Variants in ZNF713 observed in about 807,000 individuals in gnomAD.
The protein encoded by ZNF713 is zinc finger protein 713.
Under a neutral mutation model 28.7 loss-of-function variants are expected in ZNF713, and 21 were observed. The observed-to-expected ratio is 0.73, with a 90% confidence interval of 0.52 to 1.05. ZNF713 has a LOEUF of 1.05. ZNF713 is among the 50% of genes least tolerant of loss of function. ZNF713 has a pLI of 0.00. For missense variants in ZNF713, 458 were observed against 532.4 expected (o/e 0.86, Z 1.37); for synonymous variants, 167 against 178.0 (o/e 0.94, Z 0.49).
Position 55,939,385 on chromosome 7 carries a change from T to C in ZNF713, c.711T>C (p.Tyr237=). 2 of 1,613,912 alleles carry C rather than the reference T, an allele frequency of 1.2e-6. No homozygotes were observed. The highest frequency in any genetic ancestry group is 1.7e-6 in the Non-Finnish European group (2 of 1,180,018). ...GNYVRETPYE[Y]SECGKIFNQH... ...ATGTAAGAGAGACTCCCTATGAATA[T>C]AGTGAGTGTGGAAAAATCTTCAATC... is the stretch of plus-strand genomic sequence containing the variant. Residue 237 remains tyrosine, a synonymous_variant, in exon 7 of 7, where the codon TAT becomes TAC. Coordinates refer to ENST00000429591, the MANE Select transcript of ZNF713 (RefSeq NM_182633.3).
intron 2 of ZNF713, among the ~76,000 whole-genome samples, chr7:55,907,151 T>C (rs1468204438): frequency 6.6e-6 from 1 of 152,180 alleles, no homozygotes; most frequent in Admixed American, 6.5e-5. Flanking sequence ...GCTTCCTATG[T>C]TGGCATTTTT....
At chr7:55,915,611 A>AT (rs1185178043) in intron 4 of ZNF713, among the ~76,000 whole-genome samples, 1 of 152,248 alleles carries the variant, frequency 6.6e-6, no homozygotes, top group Non-Finnish European at 1.5e-5. Context: ...AGAACCTACG[A>AT]AAAGTAAGTG....
At chr7:55,919,496 T>G (rs1176756491) in intron 4 of ZNF713, among the ~76,000 whole-genome samples, 16 of 31,528 alleles carry the variant, frequency 5.1e-4, no homozygotes, top group African/African-American at 1.0e-3. Flanking sequence ...TCCAGTTTTT[T>G]TTTTTTTTTT....
chr7:55,934,734 G>A (rs1786309983), intron 6 of ZNF713, among the ~76,000 whole-genome samples: 1 of 151,978 alleles, frequency 6.6e-6, no homozygotes, highest in Non-Finnish European at 1.5e-5. Flanking sequence ...TGAACTCCTG[G>A]GCTCAAGCAG....
At chr7:55,934,218 A>G (rs1562749176) in intron 6 of ZNF713, among the ~76,000 whole-genome samples, 1 of 152,146 alleles carries the variant, frequency 6.6e-6, no homozygotes, top group Non-Finnish European at 1.5e-5. Flanking sequence ...TTGAAAATCT[A>G]ATGAAAGTTA....
At position 55,939,972 on chromosome 7, in the gene ZNF713, CTG is replaced by C. The variant is rs1786432226; in HGVS notation, c.1300_1301del (p.Val434SerfsTer7). On this transcript the variant is annotated frameshift_variant, in exon 7 of 7. Coordinates refer to ENST00000429591, the MANE Select transcript of ZNF713 (RefSeq NM_182633.3). LOFTEE classifies it low-confidence loss of function (END_TRUNC). ...TTATGTGAATATAAATGTGAGCAAACTGTTCGCCACAGTCCTTCATTTAGCAG... is the reference window on the plus strand; with the variant it reads ...TTATGTGAATATAAATGTGAGCAAACTTCGCCACAGTCCTTCATTTAGCAG... 6.2e-7 allele frequency: 1 copy of C among 1,602,150 alleles called. No homozygotes were observed. The highest frequency in any genetic ancestry group is 8.5e-7 in the Non-Finnish European group (1 of 1,172,302).
At chr7:55,912,949 CT>C (rs1193625691) in intron 4 of ZNF713, among the ~76,000 whole-genome samples, 1 of 152,190 alleles carries the variant, frequency 6.6e-6, no homozygotes, top group African/African-American at 2.4e-5. Flanking sequence ...GGATTCCTGC[CT>C]GTTCTGGACG....
At chr7:55,888,659 C>T (rs982805884) in intron 1 of ZNF713, among the ~76,000 whole-genome samples, 6 of 152,126 alleles carry the variant, frequency 3.9e-5, no homozygotes, top group Non-Finnish European at 5.9e-5. Context: ...GGATTACAGG[C>T]ATGAGCCACG....
At chr7:55,896,339 A>T (rs1001032292) in intron 1 of ZNF713, among the ~76,000 whole-genome samples, 1 of 152,176 alleles carries the variant, frequency 6.6e-6, no homozygotes, top group Non-Finnish European at 1.5e-5. Context: ...AGATGAAAAG[A>T]ATTCCACATA....
At chr7:55,888,719 C>A (rs1025210616) in intron 1 of ZNF713, among the ~76,000 whole-genome samples, 2 of 113,492 alleles carry the variant, frequency 1.8e-5, no homozygotes, top group Admixed American at 9.0e-5. Flanking sequence ...ACAGTTTCTG[C>A]ACTGAATACA....
intron 6 of ZNF713, among the ~76,000 whole-genome samples, chr7:55,926,728 G>A (rs1459927117): frequency 6.6e-6 from 1 of 152,226 alleles, no homozygotes; most frequent in Admixed American, 6.5e-5. Context: ...TGAGAGAAGT[G>A]ACAGGGGGAT....
In ZNF713 at chr7:55,923,990, C is replaced by T. The variant is rs918181070; in HGVS notation, c.307+291C>T. On this transcript the variant is annotated intron_variant, in intron 6 of 6. Transcript: ENST00000429591. ...TATCTTGATATTACAGATATCCACA[C>T]AGCACTTTCTTTGTATTTTTTATTT... The T allele has an allele frequency of 1.8e-4, 34 of 189,948 alleles. No homozygotes were observed. In the East Asian group the frequency reaches 4.1e-3, roughly 23 times the overall value. The allele number at this position is 189,948 out of a possible 1,614,324, so 11.8% of individuals were successfully genotyped here.
At chr7:55,929,822 G>GT (rs1463180507) in intron 6 of ZNF713, among the ~76,000 whole-genome samples, 2 of 151,900 alleles carry the variant, frequency 1.3e-5, no homozygotes, top group African/African-American at 4.8e-5. Flanking sequence ...AAATGGGGGA[G>GT]TTTTTTCTGA....
At position 55,940,203 on chromosome 7, in the gene ZNF713, A is replaced by G. The variant is rs1786437265; in HGVS notation, c.*197A>G. 15 of 933,738 alleles carry G rather than the reference A, an allele frequency of 1.6e-5. No individual in the cohort carries two copies. In the South Asian group the frequency reaches 3.2e-4, roughly 20 times the overall value. The allele number at this position is 933,738 out of a possible 1,614,324, so 57.8% of individuals were successfully genotyped here. On this transcript the variant is annotated 3_prime_UTR_variant, in exon 7 of 7. Coordinates refer to ENST00000429591, the MANE Select transcript of ZNF713 (RefSeq NM_182633.3). ...AGTGGTACAATCTTGGCTCACTGCA[A>G]CCTCTGCCACCTGGGTTCAAGCGAT...
intron 6 of ZNF713, chr7:55,923,983 A>G (rs1171939580): frequency 1.4e-5 from 3 of 210,534 alleles, no homozygotes; most frequent in African/African-American, 6.8e-5. Flanking sequence ...TATTACAGAT[A>G]TCCACACAGC....
intron 6 of ZNF713, among the ~76,000 whole-genome samples, chr7:55,937,824 T>C (rs888437472): frequency 6.6e-6 from 1 of 152,024 alleles, no homozygotes; most frequent in Non-Finnish European, 1.5e-5. Context: ...GGAGGATTGC[T>C]TGAGCCCAGG....
intron 4 of ZNF713, among the ~76,000 whole-genome samples, chr7:55,913,067 A>C (rs1373102091): frequency 6.6e-6 from 1 of 152,186 alleles, no homozygotes; most frequent in East Asian, 1.9e-4. Flanking sequence ...ACTGATGCCG[A>C]GGCCCCTAGG....
intron 1 of ZNF713, among the ~76,000 whole-genome samples, chr7:55,899,948 T>C (rs775940786): frequency 1.6e-4 from 25 of 152,004 alleles, no homozygotes; most frequent in Non-Finnish European, 3.1e-4. Flanking sequence ...TTCACCATGT[T>C]GGCCAGGCTG....
intron 1 of ZNF713, among the ~76,000 whole-genome samples, chr7:55,892,555 C>CAAAAAAAAAAAAA (rs56338467): frequency 5.4e-5 from 4 of 74,366 alleles, no homozygotes; most frequent in Non-Finnish European, 6.9e-5. Flanking sequence ...AAGCACTGAC[C>CAAAAAAAAAAAAA]AAAAAAAAAA....
Sources: allele counts gnomAD v4.1 joint callset (sites outside exome capture counted in the v4.1 genomes callset), GRCh38; gene constraint gnomAD v4.1.1; transcripts MANE v1.5; gene names NCBI Gene and HGNC (gene_info 2026-07-23, HGNC 2026-07-21).